ACP3: variants seen among roughly 807,000 people sequenced by gnomAD.
The protein encoded by ACP3 is prostatic acid phosphatase.
In ACP3, 38 loss-of-function variants were observed where a neutral mutation model predicts 45.6. That is an observed-to-expected ratio of 0.83 (90% CI 0.64 to 1.09). The LOEUF is 1.09. Among genes scored for constraint, ACP3 ranks in the 50% least tolerant of loss-of-function variants. ACP3 has a pLI of 0.00. For missense variants in ACP3, 466 were observed against 463.2 expected (o/e 1.01, Z -0.05); for synonymous variants, 162 against 164.7 (o/e 0.98, Z 0.13).
chr3:132,350,114 G>T, intron 8 of ACP3, 112 bp downstream of exon 8: 1 of 707,124 alleles, frequency 1.4e-6, no homozygotes. Context: ...GTACGTGGTA[G>T]GCACTTGCAC....
At chr3:132,346,204 A>G (rs1250939988) in intron 7 of ACP3, among the ~76,000 whole-genome samples, 1 of 152,200 alleles carries the variant, frequency 6.6e-6, no homozygotes, top group Non-Finnish European at 1.5e-5. Context: ...AAAAAATTCA[A>G]ATCACTGACC....
At chr3:132,334,001 G>A (rs751916784) in intron 4 of ACP3, among the ~76,000 whole-genome samples, 1 of 152,176 alleles carries the variant, frequency 6.6e-6, no homozygotes, top group Non-Finnish European at 1.5e-5. Context: ...AACCTGGGAG[G>A]TGGAGGTTGC....
rs974313224 is a variant in ACP3, at chr3:132,331,313, A to G, written c.217-334A>G. Among the ~76,000 whole-genome samples, 7 of 152,236 alleles carry G rather than the reference A, an allele frequency of 4.6e-5. No individual in the cohort carries two copies. The East Asian group carries it at 1.3e-3, about 29-fold the overall frequency. On this transcript the variant is annotated intron_variant, in intron 2 of 9. Coordinates refer to ENST00000336375, the MANE Select transcript of ACP3 (RefSeq NM_001099.5). ...ATCCCCACCAAGTGGGTCTCTTTGA[A>G]TGCTCTACCAACAAGGATCCCACTA...
chr3:132,334,049 C>T (rs1489851968), intron 4 of ACP3, among the ~76,000 whole-genome samples: 2 of 152,248 alleles, frequency 1.3e-5, no homozygotes, highest in East Asian at 3.9e-4. Context: ...CCAGCTTGGG[C>T]AACAAGAGCG....
rs188571992 is a variant in ACP3, at chr3:132,331,730, A to G, written c.300A>G (p.Glu100=). 2.6e-5 allele frequency: 42 copies of G among 1,602,192 alleles called. No individual in the cohort carries two copies. The highest frequency in any genetic ancestry group is 5.4e-5 in the African/African-American group (4 of 74,430). The part of the protein sequence containing the change: ...RKFLNESYKH[E]QVYIRSTDVD... ...TCTTGAATGAGTCCTATAAACATGA[A>G]CAGGCAAGTTGGGGAGCCAAGAGTG... is the stretch of plus-strand genomic sequence containing the variant. The change falls in exon 3 of 10, where the codon GAA becomes GAG. Residue 100 remains glutamate, a synonymous_variant. Transcript: ENST00000336375.
rs1486822892 is a variant in ACP3, at chr3:132,357,543, C to T, written c.*665C>T. On this transcript the variant is annotated 3_prime_UTR_variant, in exon 10 of 10. Transcript: ENST00000336375. ...CCCTTGGTCCTGGAACATTTATGTTCCTTTTAAAGAAACAAAAATCAAACT... is the reference window on the plus strand; with the variant it reads ...CCCTTGGTCCTGGAACATTTATGTTTCTTTTAAAGAAACAAAAATCAAACT... 1.0e-6 allele frequency: 1 copy of T among 984,176 alleles called. No individual in the cohort carries two copies. Among genetic ancestry groups the T allele is most frequent in the South Asian group, 4.7e-5 (1 of 21,244 alleles). The allele number at this position is 984,176 out of a possible 1,614,324, so 61.0% of individuals were successfully genotyped here.
intron 5 of ACP3, among the ~76,000 whole-genome samples, chr3:132,339,729 T>C (rs1424855686): frequency 6.6e-6 from 1 of 152,224 alleles, no homozygotes; most frequent in Non-Finnish European, 1.5e-5. Context: ...GAAGGCTCTC[T>C]GAACCCTCTC....
At position 132,356,744 on chromosome 3, in the gene ACP3, A is replaced by G. The variant is rs766141679; in HGVS notation, c.1027A>G (p.Met343Val). The G allele has an allele frequency of 4.3e-6, 7 of 1,614,112 alleles. No individual in the cohort carries two copies. The Admixed American group carries it at 6.7e-5, about 15-fold the overall frequency. ...GACGCAGCACGAGCCGTATCCCCTC[A>G]TGCTACCTGGCTGCAGCCCCAGCTG... is the stretch of plus-strand genomic sequence containing the variant. ...NETQHEPYPL[M>V]LPGCSPSCPL... The change falls in exon 10 of 10, where the codon ATG (methionine) becomes GTG (valine). Residue 343 changes from methionine (M) to valine (V), a missense_variant. Met to Val is a conservative substitution (Grantham distance 21, BLOSUM62 1). Transcript: ENST00000336375.
At chr3:132,367,283 T>C (rs1938146945) in intron 10 of ACP3, among the ~76,000 whole-genome samples, 2 of 152,218 alleles carry the variant, frequency 1.3e-5, no homozygotes, top group Admixed American at 1.3e-4. Flanking sequence ...CTTCAACAAA[T>C]ATTTACCTAA....
At chr3:132,355,437 A>G (rs1937859299) in intron 9 of ACP3, among the ~76,000 whole-genome samples, 1 of 152,050 alleles carries the variant, frequency 6.6e-6, no homozygotes, top group South Asian at 2.1e-4. Flanking sequence ...TTCATAATAC[A>G]TATTAGGGAG....
downstream of ACP3, among the ~76,000 whole-genome samples, chr3:132,359,267 C>CT (rs1257342124): frequency 1.3e-5 from 2 of 152,174 alleles, no homozygotes; most frequent in African/African-American, 4.8e-5. Flanking sequence ...AATCCCAGCA[C>CT]TTTGGGAGGC....
At chr3:132,354,179 A>C (rs1034891413) in intron 9 of ACP3, among the ~76,000 whole-genome samples, 1 of 152,174 alleles carries the variant, frequency 6.6e-6, no homozygotes, top group Admixed American at 6.5e-5. Context: ...GCACAGAGTT[A>C]ATAAATCCAA....
chr3:132,342,105 A>G (rs975723449), intron 5 of ACP3, among the ~76,000 whole-genome samples: 1 of 152,200 alleles, frequency 6.6e-6, no homozygotes, highest in Non-Finnish European at 1.5e-5. Flanking sequence ...CATGAGTTAT[A>G]CTTTACCCAC....
chr3:132,341,394 T>A (rs1937551421), intron 5 of ACP3, among the ~76,000 whole-genome samples: 1 of 152,242 alleles, frequency 6.6e-6, no homozygotes, highest in Non-Finnish European at 1.5e-5. Flanking sequence ...AATCAAATTA[T>A]TTTTCTCCTT....
At chr3:132,332,380 G>C (rs1440038964) in intron 4 of ACP3, 36 bp downstream of exon 4, 1 of 1,611,982 alleles carries the variant, frequency 6.2e-7, no homozygotes, top group Non-Finnish European at 8.5e-7. Flanking sequence ...ATTTCAGATG[G>C]ACCTAGAATG....
downstream of ACP3, chr3:132,358,845 C>A (rs1576429750): frequency 4.1e-5 from 40 of 984,940 alleles, no homozygotes; most frequent in South Asian, 1.7e-3. Context: ...TTCAGGAGCT[C>A]CCTTTGTGTT....
chr3:132,349,796 A>C (rs1157082082), intron 7 of ACP3, 124 bp from the exon 8 acceptor site: 1 of 660,208 alleles, frequency 1.5e-6, no homozygotes, highest in African/African-American at 1.8e-5. Flanking sequence ...ATAAAATTAG[A>C]TCTTTGCCCC....
intron 4 of ACP3, among the ~76,000 whole-genome samples, chr3:132,336,521 C>A (rs6793603): frequency 0.025 from 3,845 of 152,138 alleles, 193 homozygotes; most frequent in African/African-American, 0.088. Flanking sequence ...CTAGCAAAAG[C>A]AGAGAAAATT....
chr3:132,319,707 A>G (rs2107790149), intron 1 of ACP3, among the ~76,000 whole-genome samples: 1 of 152,330 alleles, frequency 6.6e-6, no homozygotes, highest in African/African-American at 2.4e-5. Context: ...CACAGATGGA[A>G]TGGTGGAGAC....
Sources: gnomAD v4.1 joint callset for allele counts (sites outside exome capture counted in the v4.1 genomes callset) on GRCh38, gnomAD v4.1.1 for gene constraint, MANE v1.5 for transcripts, NCBI Gene and HGNC (gene_info 2026-07-23, HGNC 2026-07-21) for gene names.